FHIT: variants seen among roughly 807,000 people sequenced by gnomAD.
FHIT encodes fragile histidine triad diadenosine triphosphatase.
A neutral mutation model predicts 17.9 loss-of-function variants in FHIT; 19 were observed. The ratio of observed to expected loss-of-function variants is 1.06; its 90% CI spans 0.74 to 1.56. The LOEUF is 1.56. Ranked by LOEUF, FHIT falls within the 40% of genes most tolerant of loss-of-function variation. FHIT has a pLI of 0.00. For synonymous variants in FHIT, 81 were observed against 69.7 expected (o/e 1.16, Z -0.81); for missense variants, 248 against 189.2 (o/e 1.31, Z -1.82).
intron 3 of FHIT, among the ~76,000 whole-genome samples, chr3:60,988,912 C>CTTT (rs34551612): frequency 0.28 from 22,787 of 80,192 alleles, 5,971 homozygotes; most frequent in Non-Finnish European, 0.35. Context: ...TGTTAAAAGG[C>CTTT]TTTTTTTTTT....
intron 5 of FHIT, among the ~76,000 whole-genome samples, chr3:60,407,251 C>A (rs888337632): frequency 6.6e-6 from 1 of 151,884 alleles, no homozygotes; most frequent in Non-Finnish European, 1.5e-5. Context: ...ATTTAATCCA[C>A]CTTGTGCTTC....
intron 4 of FHIT, among the ~76,000 whole-genome samples, chr3:60,702,652 A>G (rs542327131): frequency 1.3e-5 from 2 of 152,258 alleles, no homozygotes; most frequent in East Asian, 1.9e-4. Flanking sequence ...TAAATTCTCT[A>G]TGAATATAAT....
rs189472095 is a variant in FHIT at position 59,749,014 on chromosome 3, G to C, written c.*571C>G. On this transcript the variant is annotated 3_prime_UTR_variant, in exon 10 of 10. Transcript: ENST00000492590. ...TTGCTCTGCCTAAGACTAGCTTGCT[G>C]CTGAGGGAATAATCACGAAAGCTGG... 3.3e-3 allele frequency among the ~76,000 whole-genome samples: 498 copies of C among 152,264 alleles called. 4 individuals are homozygous for C. Among genetic ancestry groups the C allele is most frequent in the African/African-American group, 0.011 (465 of 41,550 alleles).
At chr3:60,898,177 C>T (rs1553762326) in intron 3 of FHIT, among the ~76,000 whole-genome samples, 2 of 152,044 alleles carry the variant, frequency 1.3e-5, no homozygotes, top group Non-Finnish European at 2.9e-5. Flanking sequence ...TTAATATAAA[C>T]ATCTTTCCAT....
chr3:59,832,350 T>G (rs1701193239), intron 8 of FHIT, among the ~76,000 whole-genome samples: 1 of 152,214 alleles, frequency 6.6e-6, no homozygotes, highest in African/African-American at 2.4e-5. Flanking sequence ...AACCTCATTG[T>G]GCTAGGTTCT....
At position 60,860,235 on chromosome 3, in the gene FHIT, T is replaced by TAC. The variant is rs1553751162; in HGVS notation, c.-110-38225_-110-38224insGT. Among the ~76,000 whole-genome samples, 10 of 122,692 alleles carry TAC rather than the reference T, an allele frequency of 8.2e-5. No homozygotes were observed. In the South Asian group the frequency reaches 2.4e-3, roughly 30 times the overall value. The allele number at this position is 122,692 out of a possible 152,430, so 80.5% of individuals were successfully genotyped here. A position where few individuals can be genotyped will look rare whatever the true frequency, so the allele number is the denominator to read the frequency against. ...GTATACATGAGATACATCATATGTA[T>TAC]ATATGGTATACATGAGATACATCAT... On this transcript the variant is annotated intron_variant, in intron 3 of 9. Coordinates refer to ENST00000492590, the MANE Select transcript of FHIT (RefSeq NM_002012.4).
At chr3:59,869,394 A>C (rs1702807434) in intron 8 of FHIT, among the ~76,000 whole-genome samples, 1 of 152,126 alleles carries the variant, frequency 6.6e-6, no homozygotes, top group Non-Finnish European at 1.5e-5. Flanking sequence ...ACATTATAGA[A>C]AAAAACCATC....
In FHIT at chr3:60,014,014, G is replaced by T; in HGVS notation, c.242C>A (p.Ser81Tyr). Reference sequence around the variant, plus strand: ...AGAAATCTGTACACTCACCTGCATGGAAAAGGTGAGAGAGGTCCCATGGAA... The same window carrying T: ...AGAAATCTGTACACTCACCTGCATGTAAAAGGTGAGAGAGGTCCCATGGAA... ...KHFHGTSLTFSMQDGPEAGQT... is the reference protein window; with the variant it reads ...KHFHGTSLTFYMQDGPEAGQT... The change falls in exon 6 of 10, where the codon TCC (serine) becomes TAC (tyrosine). Residue 81 changes from serine to tyrosine, a missense_variant. Transcript: ENST00000492590. 1 of 1,613,906 alleles carries T rather than the reference G, an allele frequency of 6.2e-7. No individual in the cohort carries two copies. Among genetic ancestry groups the T allele is most frequent in the Non-Finnish European group, 8.5e-7 (1 of 1,179,842 alleles).
In FHIT at chr3:60,732,049, A is replaced by G. The variant is rs1391856604; in HGVS notation, c.-18+89870T>C. ...AAAGGGAATTGCAGCGACAATACAA[A>G]GATTCTAGGATACTGCGAGCAAATG... On this transcript the variant is annotated intron_variant, in intron 4 of 9. Transcript: ENST00000492590. 4 of 487,164 alleles carry G rather than the reference A, an allele frequency of 8.2e-6. No homozygotes were observed. In the Admixed American group the frequency reaches 1.1e-4, roughly 13 times the overall value. 30.2% of individuals were successfully genotyped at this position (487,164 alleles called of 1,614,324 possible).
intron 5 of FHIT, among the ~76,000 whole-genome samples, chr3:60,212,377 A>C (rs977078509): frequency 6.6e-6 from 1 of 152,152 alleles, no homozygotes; most frequent in Non-Finnish European, 1.5e-5. Flanking sequence ...TAAAAACGTT[A>C]GGGTATTTGT....
intron 8 of FHIT, among the ~76,000 whole-genome samples, chr3:59,808,429 A>T (rs1480201536): frequency 6.6e-6 from 1 of 152,000 alleles, no homozygotes; most frequent in Non-Finnish European, 1.5e-5. Flanking sequence ...CCCTGGGACT[A>T]TCTCCCTTTT....
At chr3:60,681,949 G>A (rs1418118169) in intron 4 of FHIT, among the ~76,000 whole-genome samples, 1 of 151,654 alleles carries the variant, frequency 6.6e-6, no homozygotes, top group Non-Finnish European at 1.5e-5. Flanking sequence ...GATAACTAAT[G>A]AAGGTGGCTA....
chr3:60,481,048 G>A (rs186278250), intron 5 of FHIT, among the ~76,000 whole-genome samples: 23 of 152,286 alleles, frequency 1.5e-4, no homozygotes, highest in East Asian at 5.8e-4. Context: ...GTAGAATTCC[G>A]CCTGGACATC....
In FHIT at chr3:59,832,434, A is replaced by G. The variant is rs1701197134; in HGVS notation, c.349-80113T>C. Among the ~76,000 whole-genome samples, 4 of 152,280 alleles carry G rather than the reference A, an allele frequency of 2.6e-5. No homozygotes were observed. The South Asian group carries it at 8.3e-4, about 32-fold the overall frequency. On this transcript the variant is annotated intron_variant, in intron 8 of 9. Coordinates refer to ENST00000492590, the MANE Select transcript of FHIT (RefSeq NM_002012.4). ...CACCCCTACCTTATCTGTAACATCC[A>G]GCCACATTGTCTGGCTTGGTTATGT...
In FHIT at chr3:61,059,473, T is replaced by G. The variant is rs554247765; in HGVS notation, c.-163-17374A>C. ...AATTTGGGGTGTCTGGTTACACCTA[T>G]TCTTGTGCTTTTTTAAAAGAGAGTC... On this transcript the variant is annotated intron_variant, in intron 2 of 9. Transcript: ENST00000492590. 4.6e-5 allele frequency among the ~76,000 whole-genome samples: 7 copies of G among 151,806 alleles called. No homozygotes were observed. The South Asian group carries it at 1.5e-3, about 32-fold the overall frequency.
chr3:60,087,846 A>T (rs533791048), intron 5 of FHIT, among the ~76,000 whole-genome samples: 1 of 152,212 alleles, frequency 6.6e-6, no homozygotes, highest in South Asian at 2.1e-4. Context: ...TCTTCTTCTG[A>T]GACCTCCAAA....
At chr3:60,890,210 C>G (rs1341687739) in intron 3 of FHIT, among the ~76,000 whole-genome samples, 1 of 96,238 alleles carries the variant, frequency 1.0e-5, no homozygotes, top group African/African-American at 4.2e-5. Flanking sequence ...AAAAAATTAG[C>G]TTCCATGATG....
chr3:60,643,540 C>T (rs1441983010), intron 4 of FHIT, among the ~76,000 whole-genome samples: 1 of 152,146 alleles, frequency 6.6e-6, no homozygotes, highest in African/African-American at 2.4e-5. Context: ...CAAGCTAAAT[C>T]CTACATCTAG....
intron 5 of FHIT, among the ~76,000 whole-genome samples, chr3:60,234,540 CAGG>C (rs1330637794): frequency 6.6e-6 from 1 of 152,102 alleles, no homozygotes; most frequent in Admixed American, 6.5e-5. Context: ...ATATCTCGAG[CAGG>C]AGATTTTGCT....
Sources: allele counts gnomAD v4.1 joint callset (sites outside exome capture counted in the v4.1 genomes callset), GRCh38; gene constraint gnomAD v4.1.1; transcripts MANE v1.5; gene names NCBI Gene and HGNC (gene_info 2026-07-23, HGNC 2026-07-21).